Variants in FGD6 observed in about 807,000 individuals in gnomAD.
The protein encoded by FGD6 is FYVE, RhoGEF and PH domain containing 6.
In FGD6, 90 loss-of-function variants were observed where a neutral mutation model predicts 149.4. That is an observed-to-expected ratio of 0.60 (90% confidence interval 0.51 to 0.72). The LOEUF is 0.72. FGD6 is among the 30% of genes least tolerant of loss of function. The pLI is 0.00. For missense variants in FGD6, 1,437 were observed against 1,684.8 expected, an observed-to-expected ratio of 0.85 and a Z score of 2.57; for synonymous variants, 527 against 584.0, an observed-to-expected ratio of 0.90 and a Z score of 1.41.
chr12:95,133,037 A>G (rs1879568783), intron 8 of FGD6, among the ~76,000 whole-genome samples: 1 of 152,244 alleles, frequency 6.6e-6, no homozygotes, highest in Non-Finnish European at 1.5e-5. Flanking sequence ...GAAGTAAGAA[A>G]GTACAGAGGG....
chr12:95,209,791 T>G lies in FGD6; in HGVS notation c.1493A>C (p.Lys498Thr), dbSNP rs759499999. 6.2e-7 allele frequency: 1 copy of G among 1,611,708 alleles called. No individual in the cohort carries two copies. The highest frequency in any genetic ancestry group is 8.5e-7 in the Non-Finnish European group (1 of 1,179,516). ...AGCAGGCAAGCTATGTCTTTGAGGT[T>G]TTTTGGGGACAATTCGTAGAGAATT... ...EENSLRIVPK[K>T]PQRHSLPATG... The change falls in exon 2 of 21, where the codon AAA (lysine) becomes ACA (threonine). Residue 498 changes from lysine to threonine, a missense_variant. This residue lies in a region of FGD6 where 1,055 missense variants were observed against 1,146.0 expected (regional missense o/e 0.92). Coordinates refer to ENST00000343958, the MANE Select transcript of FGD6 (RefSeq NM_018351.4).
intron 2 of FGD6, among the ~76,000 whole-genome samples, chr12:95,173,110 A>G (rs1447953305): frequency 2.0e-5 from 3 of 152,188 alleles, no homozygotes; most frequent in Non-Finnish European, 2.9e-5. Flanking sequence ...GGTATACCAG[A>G]AGAATTGCTG....
chr12:95,128,379 G>A (rs1407187508), intron 8 of FGD6, among the ~76,000 whole-genome samples: 11 of 152,044 alleles, frequency 7.2e-5, no homozygotes, highest in South Asian at 6.2e-4. Flanking sequence ...TGGGATGACC[G>A]GTGTGTGCCA....
At chr12:95,181,951 A>AC (rs200525032) in intron 2 of FGD6, among the ~76,000 whole-genome samples, 2,880 of 152,038 alleles carry the variant, frequency 0.019, 91 homozygotes, top group African/African-American at 0.066. Context: ...CAAAAAAAAA[A>AC]AAAAAACAAA....
At chr12:95,215,476 C>T (rs2056748709) in intron 1 of FGD6, among the ~76,000 whole-genome samples, 1 of 152,028 alleles carries the variant, frequency 6.6e-6, no homozygotes. Context: ...GAAATAAAAC[C>T]CCAGTTCTCT....
rs1244849932 is a variant in FGD6 at position 95,167,580 on chromosome 12, T to TTG, written c.2586+5019_2586+5020insCA. Reference sequence around the variant, plus strand: ...ATTGATCTTTTTACTGTTTGAGGTTTTTTTTTTTTTTTGAGATGGAGTCTA... The same window carrying TTG: ...ATTGATCTTTTTACTGTTTGAGGTTTTGTTTTTTTTTTTTGAGATGGAGTCTA... On this transcript the variant is annotated intron_variant, in intron 3 of 20. Coordinates refer to ENST00000343958, the MANE Select transcript of FGD6 (RefSeq NM_018351.4). 2.6e-5 allele frequency among the ~76,000 whole-genome samples: 4 copies of TTG among 150,948 alleles called. No homozygotes were observed. In the East Asian group the frequency reaches 7.8e-4, roughly 29 times the overall value.
intron 14 of FGD6, among the ~76,000 whole-genome samples, chr12:95,098,181 T>A (rs1388121882): frequency 6.6e-6 from 1 of 152,062 alleles, no homozygotes. Flanking sequence ...CAACTCCCAA[T>A]TTCTCCCCTA....
chr12:95,164,148 C>G (rs1330151514), intron 3 of FGD6, among the ~76,000 whole-genome samples: 2 of 151,678 alleles, frequency 1.3e-5, no homozygotes, highest in East Asian at 3.9e-4. Context: ...ATAAGTCAAA[C>G]AAATTCCAAA....
chr12:95,103,816 G>A (rs933564673), intron 14 of FGD6, among the ~76,000 whole-genome samples: 21 of 152,256 alleles, frequency 1.4e-4, no homozygotes, highest in African/African-American at 3.1e-4. Flanking sequence ...GATTACAGGC[G>A]TAAGCTACTG....
intron 8 of FGD6, among the ~76,000 whole-genome samples, chr12:95,124,353 G>A (rs556800687): frequency 6.6e-6 from 1 of 152,300 alleles, no homozygotes; most frequent in South Asian, 2.1e-4. Context: ...GTACCACCCT[G>A]AGTATCAACA....
At chr12:95,092,899 A>G in intron 15 of FGD6, 54 bp from the exon 16 acceptor site, 1 of 1,550,452 alleles carries the variant, frequency 6.4e-7, no homozygotes, top group Non-Finnish European at 8.7e-7. Flanking sequence ...CTGCCTTTTT[A>G]TTCGGCAGTG....
chr12:95,138,332 T>C (rs546218515), intron 6 of FGD6, among the ~76,000 whole-genome samples: 47 of 152,220 alleles, frequency 3.1e-4, no homozygotes, highest in African/African-American at 9.9e-4. Context: ...TTACTTCTGA[T>C]CAGGAGTTTG....
chr12:95,214,948 C>T (rs2056746688), intron 1 of FGD6, among the ~76,000 whole-genome samples: 4 of 151,214 alleles, frequency 2.6e-5, no homozygotes, highest in Admixed American at 2.6e-4. Context: ...CCACAACCTC[C>T]GCCTCGCTGG....
chr12:95,181,180 G>T (rs1244522227), intron 2 of FGD6, among the ~76,000 whole-genome samples: 1 of 152,172 alleles, frequency 6.6e-6, no homozygotes, highest in Non-Finnish European at 1.5e-5. Context: ...AAAGAAGTCA[G>T]TAGAGGGATG....
chr12:95,113,029 A>G (rs1207330614), intron 9 of FGD6, among the ~76,000 whole-genome samples: 4 of 152,166 alleles, frequency 2.6e-5, no homozygotes, highest in African/African-American at 9.7e-5. Context: ...GCACGGGCAC[A>G]GAGTGACTGA....
rs1877575259 is a variant in FGD6, at chr12:95,078,772, A to G, written c.*2748T>C. ...CTGCCACAGATAAAGGTGGACTGCTAGTTGGGGACACTAACAATGCCAGCC... is the reference window on the plus strand; with the variant it reads ...CTGCCACAGATAAAGGTGGACTGCTGGTTGGGGACACTAACAATGCCAGCC... On this transcript the variant is annotated 3_prime_UTR_variant, in exon 21 of 21. Transcript: ENST00000343958. 6.6e-6 allele frequency: 1 copy of G among 152,224 alleles called. No individual in the cohort carries two copies. The highest frequency in any genetic ancestry group is 1.5e-5 in the Non-Finnish European group (1 of 68,032). The allele number at this position is 152,224 out of a possible 1,614,324, so 9.4% of individuals were successfully genotyped here. A position where few individuals can be genotyped will look rare whatever the true frequency, so the allele number is the denominator to read the frequency against.
chr12:95,100,881 G>T, intron 14 of FGD6: 1 of 383,424 alleles, frequency 2.6e-6, no homozygotes, highest in South Asian at 2.2e-5. Flanking sequence ...AAAAGGGAAT[G>T]GGTGTCAGAG....
intron 2 of FGD6, among the ~76,000 whole-genome samples, chr12:95,184,727 G>A (rs568105606): frequency 1.3e-5 from 2 of 151,906 alleles, no homozygotes; most frequent in Admixed American, 1.3e-4. Flanking sequence ...GATTACAGGT[G>A]TCCACCACCA....
intron 2 of FGD6, among the ~76,000 whole-genome samples, chr12:95,187,111 C>T (rs1881458429): frequency 6.6e-6 from 1 of 151,862 alleles, no homozygotes; most frequent in Admixed American, 6.6e-5. Context: ...GCGGGCAGAT[C>T]ATGAGGTTAG....
Sources: allele counts gnomAD v4.1 joint callset (sites outside exome capture counted in the v4.1 genomes callset), GRCh38; gene constraint gnomAD v4.1.1; regional missense constraint gnomAD v4.1.1; transcripts MANE v1.5; gene names NCBI Gene and HGNC (gene_info 2026-07-23, HGNC 2026-07-21).